Variants in PNLDC1 observed in about 807,000 individuals in gnomAD.
PNLDC1 encodes the protein poly(A)-specific ribonuclease PNLDC1.
In PNLDC1, 70 loss-of-function variants were observed where a neutral mutation model predicts 82.0. That is an observed-to-expected ratio of 0.85 (90% confidence interval 0.70 to 1.04). The LOEUF (loss-of-function observed/expected upper bound fraction) is 1.04. Among genes scored for constraint, PNLDC1 ranks in the 50% least tolerant of loss-of-function variants. PNLDC1 has a pLI of 0.00. For missense variants in PNLDC1, 631 were observed against 661.1 expected, an observed-to-expected ratio of 0.95 and a Z score of 0.50; for synonymous variants, 280 against 249.3, an observed-to-expected ratio of 1.12 and a Z score of -1.16.
At chr6:159,803,682 C>A (rs79950243) in intron 4 of PNLDC1, among the ~76,000 whole-genome samples, 36 of 152,304 alleles carry the variant, frequency 2.4e-4, no homozygotes, top group African/African-American at 7.9e-4. Flanking sequence ...CTCCCCACCC[C>A]CCATGAGCAG....
chr6:159,814,783 A>G (rs746569926), intron 12 of PNLDC1, among the ~76,000 whole-genome samples: 7 of 152,176 alleles, frequency 4.6e-5, no homozygotes, highest in Non-Finnish European at 8.8e-5. Context: ...CAGTTTAACT[A>G]TCTGTGAGAT....
At chr6:159,804,148 G>C (rs565272499) in intron 5 of PNLDC1, 60 bp downstream of exon 5, 7 of 1,581,258 alleles carry the variant, frequency 4.4e-6, no homozygotes, top group Non-Finnish European at 6.0e-6. Context: ...ATGGAGTCTC[G>C]CTCTGTTGCC....
chr6:159,804,213 G>C (rs575087970), intron 5 of PNLDC1, 125 bp downstream of exon 5: 7 of 1,158,210 alleles, frequency 6.0e-6, no homozygotes, highest in Non-Finnish European at 8.5e-6. Context: ...TGATTTTCCT[G>C]CTTCAGCCTC....
intron 14 of PNLDC1, among the ~76,000 whole-genome samples, 194 bp downstream of exon 14, chr6:159,816,790 G>A (rs1455151106): frequency 2.0e-5 from 3 of 151,972 alleles, no homozygotes; most frequent in Non-Finnish European, 4.4e-5. Flanking sequence ...ATGCCACCAT[G>A]CCTGGCTGGG....
intron 2 of PNLDC1, 102 bp from the exon 3 acceptor site, chr6:159,801,011 G>GA (rs1433926848): frequency 1.3e-5 from 20 of 1,487,914 alleles, no homozygotes; most frequent in Non-Finnish European, 1.8e-5. Context: ...TTGTAACAAG[G>GA]AAAAAATCCT....
At position 159,819,451 on chromosome 6, in the gene PNLDC1, T is replaced by A; in HGVS notation, c.1532+99T>A. On this transcript the variant is annotated intron_variant, in intron 18 of 18. Coordinates refer to ENST00000392167, the MANE Select transcript of PNLDC1 (RefSeq NM_001271862.2). The surrounding 1 kb of genome is among the most constrained non-coding windows in gnomAD (Gnocchi z 4.6). ...TCTGACTCGAGCACAGCTCACTTGC[T>A]GGTGTGTGTTGCCAAGGGGGTTGTG... 9.7e-7 allele frequency: 1 copy of A among 1,030,188 alleles called. No homozygotes were observed. The highest frequency in any genetic ancestry group is 1.5e-5 in the South Asian group (1 of 66,310). The allele number at this position is 1,030,188 out of a possible 1,614,324, so 63.8% of individuals were successfully genotyped here.
In PNLDC1 at chr6:159,818,931, C is replaced by G. The variant is rs757897188; in HGVS notation, c.1258-15C>G. ...AGAACTGTGGAAAATCTCTTGTGTT[C>G]TGCATGTTTTCTAGAATTTTTCTGG... On this transcript the variant is annotated splice_polypyrimidine_tract_variant and intron_variant, in intron 16 of 18. Transcript: ENST00000392167. The G allele has an allele frequency of 6.2e-7, 1 of 1,612,102 alleles. No homozygotes were observed. The highest frequency in any genetic ancestry group is 2.2e-5 in the East Asian group (1 of 44,894).
chr6:159,804,616 CTG>C lies in PNLDC1; in HGVS notation c.441_442del (p.Gly148GlufsTer10). On this transcript the variant is annotated frameshift_variant, in exon 6 of 19. Coordinates refer to ENST00000392167, the MANE Select transcript of PNLDC1 (RefSeq NM_001271862.2). LOFTEE classifies it high-confidence loss of function. ...AAGAAAATTAGACACGATATCCTGA[CTG>C]GGAACTGGAGAGTTCGCAGGTATGG... is the stretch of plus-strand genomic sequence containing the variant. The C allele has an allele frequency of 6.2e-7, 1 of 1,609,978 alleles. No individual in the cohort carries two copies. Among genetic ancestry groups the C allele is most frequent in the South Asian group, 1.1e-5 (1 of 90,934 alleles).
chr6:159,806,284 A>G (rs1781444207), intron 7 of PNLDC1, among the ~76,000 whole-genome samples: 1 of 152,160 alleles, frequency 6.6e-6, no homozygotes, highest in African/African-American at 2.4e-5. Context: ...AAGGCTTTCG[A>G]CATACTTTGG....
At chr6:159,806,234 A>C (rs1781442330) in intron 7 of PNLDC1, 151 bp downstream of exon 7, 2 of 660,172 alleles carry the variant, frequency 3.0e-6, no homozygotes, top group East Asian at 5.5e-5. Context: ...GCGGTTACGG[A>C]GTCTTTGTGG....
chr6:159,811,842 T>C, intron 11 of PNLDC1, 56 bp downstream of exon 11: 1 of 1,260,904 alleles, frequency 7.9e-7, no homozygotes, highest in Non-Finnish European at 1.1e-6. Flanking sequence ...CAGTAACACT[T>C]AGCTTTCTCT....
intron 10 of PNLDC1, among the ~76,000 whole-genome samples, chr6:159,811,113 G>C (rs1781631825): frequency 6.6e-6 from 1 of 152,238 alleles, no homozygotes; most frequent in South Asian, 2.1e-4. Flanking sequence ...ATGTGCGAGA[G>C]AGATGGGAAT....
At chr6:159,813,734 C>G (rs989689662) in intron 12 of PNLDC1, 78 bp downstream of exon 12, 2 of 1,293,882 alleles carry the variant, frequency 1.5e-6, no homozygotes, top group Admixed American at 3.4e-5. Flanking sequence ...TTTGGGCTCT[C>G]TAGGCGTGCC....
At position 159,819,402 on chromosome 6, in the gene PNLDC1, C is replaced by T. The variant is rs113837392; in HGVS notation, c.1532+50C>T. 1,438 of 1,530,094 alleles carry T rather than the reference C, an allele frequency of 9.4e-4. 16 individuals are homozygous for T. Among genetic ancestry groups the T allele is most frequent in the East Asian group, 8.3e-4 (36 of 43,514 alleles). The allele number at this position is 1,530,094 out of a possible 1,614,324, so 94.8% of individuals were successfully genotyped here. On this transcript the variant is annotated intron_variant, in intron 18 of 18. Coordinates refer to ENST00000392167, the MANE Select transcript of PNLDC1 (RefSeq NM_001271862.2). The surrounding 1 kb of genome is among the most constrained non-coding windows in gnomAD (Gnocchi z 4.6). Reference sequence around the variant, plus strand: ...GCCTGTCCTGGGGTCCTGGAGTGCCCGGGGTCCCAGCATCCCAGCATGGTC... The same window carrying T: ...GCCTGTCCTGGGGTCCTGGAGTGCCTGGGGTCCCAGCATCCCAGCATGGTC...
chr6:159,808,529 TAAAAAA>T (rs751817467), intron 7 of PNLDC1, among the ~76,000 whole-genome samples: 1 of 127,402 alleles, frequency 7.8e-6, no homozygotes, highest in Non-Finnish European at 1.6e-5. Context: ...GGCCCTGAGA[TAAAAAA>T]AAAAAAAAAA....
At chr6:159,818,745 G>C in intron 16 of PNLDC1, 91 bp downstream of exon 16, 2 of 1,344,478 alleles carry the variant, frequency 1.5e-6, no homozygotes, top group Non-Finnish European at 2.1e-6. Context: ...TCGTGAGAGG[G>C]ATTTCGGTGG....
intron 18 of PNLDC1, 134 bp from the exon 19 acceptor site, chr6:159,820,320 G>T: frequency 2.4e-6 from 2 of 818,958 alleles, no homozygotes; most frequent in Non-Finnish European, 4.0e-6. Flanking sequence ...GAAGTTCAGT[G>T]TTGTCGTCGG....
intron 2 of PNLDC1, 41 bp from the exon 3 acceptor site, chr6:159,801,072 G>A: frequency 6.2e-7 from 1 of 1,603,916 alleles, no homozygotes; most frequent in Non-Finnish European, 8.5e-7. Context: ...GCCGGGATGG[G>A]ATGTCATTGC....
chr6:159,813,710 G>A, intron 12 of PNLDC1, 54 bp downstream of exon 12: 1 of 1,518,526 alleles, frequency 6.6e-7, no homozygotes, highest in Non-Finnish European at 9.1e-7. Context: ...TGGCCTCCCT[G>A]TGCTCCGCAG....
Sources: allele counts gnomAD v4.1 joint callset (sites outside exome capture counted in the v4.1 genomes callset), GRCh38; gene constraint gnomAD v4.1.1; non-coding constraint Gnocchi (gnomAD v3.1); transcripts MANE v1.5; gene names NCBI Gene and HGNC (gene_info 2026-07-23, HGNC 2026-07-21).